TACC2: variants seen among roughly 807,000 people sequenced by gnomAD.
The protein encoded by TACC2 is transforming acidic coiled-coil-containing protein 2.
TACC2 carries 137 observed loss-of-function variants against 227.3 expected under a neutral mutation model. The observed-to-expected ratio is 0.60, with a 90% CI of 0.52 to 0.69. The LOEUF (loss-of-function observed/expected upper bound fraction) is 0.69. Among genes scored for constraint, TACC2 ranks in the 30% least tolerant of loss-of-function variants. The probability of loss-of-function intolerance (pLI) is 0.00; values close to 1 mark genes in which losing one functional copy is unlikely to be tolerated. For missense variants in TACC2, 3,470 were observed against 3,694.4 expected, an observed-to-expected ratio of 0.94 and a Z score of 1.57; for synonymous variants, 1,523 against 1,487.5, an observed-to-expected ratio of 1.02 and a Z score of -0.55.
intron 12 of TACC2, among the ~76,000 whole-genome samples, chr10:122,225,777 C>T (rs949452372): frequency 6.6e-6 from 1 of 152,196 alleles, no homozygotes; most frequent in Non-Finnish European, 1.5e-5. Flanking sequence ...TGCTCAGGAA[C>T]AGCAGAGCCA....
intron 2 of TACC2, among the ~76,000 whole-genome samples, chr10:122,027,595 G>C (rs571975224): frequency 6.6e-6 from 1 of 152,156 alleles, no homozygotes; most frequent in Non-Finnish European, 1.5e-5. Context: ...TGATTATCTT[G>C]ATTACTGTGG....
chr10:122,142,847 T>G (rs1269894375), intron 6 of TACC2, among the ~76,000 whole-genome samples: 1 of 152,232 alleles, frequency 6.6e-6, no homozygotes, highest in African/African-American at 2.4e-5. Context: ...GGCTTTAGTC[T>G]GTGGAGGCCG....
intron 3 of TACC2, among the ~76,000 whole-genome samples, chr10:122,061,410 C>T (rs114941906): frequency 0.01 from 1,533 of 152,006 alleles, 29 homozygotes; most frequent in African/African-American, 0.035. Flanking sequence ...TCAGGTGTGT[C>T]TGCCGAGTTC....
chr10:122,198,784 T>C (rs1167773713), intron 8 of TACC2, among the ~76,000 whole-genome samples: 1 of 152,216 alleles, frequency 6.6e-6, no homozygotes, highest in Non-Finnish European at 1.5e-5. Flanking sequence ...TTTGTGCGCC[T>C]AGCCTGGGGC....
Position 122,115,350 on chromosome 10 carries a change from G to A in TACC2, c.5574-17259G>A, listed in dbSNP as rs192378148. Among the ~76,000 whole-genome samples the A allele has an allele frequency of 1.4e-3, 217 of 152,086 alleles. 1 individual carries two copies. The highest frequency in any genetic ancestry group is 1.9e-3 in the Non-Finnish European group (132 of 68,020). ...ACCTGAGCATGCACATATGGGGCAG[G>A]CTTTGTGGTGAAGGATAATGCCCCA... On this transcript the variant is annotated intron_variant, in intron 5 of 22. Coordinates refer to ENST00000369005, the MANE Select transcript of TACC2 (RefSeq NM_206862.4).
At chr10:122,003,878 G>A (rs933467892) in intron 1 of TACC2, among the ~76,000 whole-genome samples, 10 of 151,818 alleles carry the variant, frequency 6.6e-5, no homozygotes, top group Non-Finnish European at 1.0e-4. Context: ...GGATGGTCTC[G>A]ATCTCCTGAT....
At position 122,215,378 on chromosome 10, in the gene TACC2, A is replaced by G. The variant is rs766839176; in HGVS notation, c.7284-13A>G. 1.9e-6 allele frequency: 3 copies of G among 1,612,874 alleles called. 1 individual carries two copies. Among genetic ancestry groups the G allele is most frequent in the South Asian group, 1.1e-5 (1 of 91,040 alleles). ...TCTGCTTGTTGTGTTTACGTTTTCC[A>G]TTTTGTTTCCAGTGACACATTTAGG... On this transcript the variant is annotated splice_polypyrimidine_tract_variant and intron_variant, in intron 9 of 22. Coordinates refer to ENST00000369005, the MANE Select transcript of TACC2 (RefSeq NM_206862.4).
chr10:122,082,631 C>T lies in TACC2; in HGVS notation c.147-16C>T. ...TTGGCATCCATGATAACCAATGAAA[C>T]ATTAAATATTTTCAGCATTGGCAGC... On this transcript the variant is annotated splice_polypyrimidine_tract_variant and intron_variant, in intron 3 of 22. Coordinates refer to ENST00000369005, the MANE Select transcript of TACC2 (RefSeq NM_206862.4). 6.3e-7 allele frequency: 1 copy of T among 1,594,636 alleles called. No individual in the cohort carries two copies. Among genetic ancestry groups the T allele is most frequent in the Non-Finnish European group, 8.6e-7 (1 of 1,169,202 alleles).
chr10:122,112,738 A>G (rs985616274), intron 5 of TACC2, among the ~76,000 whole-genome samples: 8 of 152,154 alleles, frequency 5.3e-5, no homozygotes, highest in African/African-American at 1.9e-4. Flanking sequence ...GAACAGTAAC[A>G]AGTTGTCATG....
intron 5 of TACC2, among the ~76,000 whole-genome samples, chr10:122,122,366 T>A (rs1162954373): frequency 1.3e-5 from 2 of 151,966 alleles, no homozygotes; most frequent in Non-Finnish European, 2.9e-5. Flanking sequence ...AAAAAATAAA[T>A]AAATAAATAA....
chr10:122,186,374 T>G (rs1324233779), intron 7 of TACC2, among the ~76,000 whole-genome samples: 2 of 151,894 alleles, frequency 1.3e-5, no homozygotes, highest in East Asian at 3.9e-4. Context: ...ACAGCTGTGG[T>G]CCCAGCTTAC....
intron 8 of TACC2, among the ~76,000 whole-genome samples, chr10:122,195,390 G>T (rs1362156690): frequency 6.6e-6 from 1 of 152,196 alleles, no homozygotes; most frequent in Non-Finnish European, 1.5e-5. Context: ...GAATTTTAGG[G>T]GGGGCCTCTG....
At chr10:122,090,265 G>A (rs1341963284) in intron 5 of TACC2, among the ~76,000 whole-genome samples, 4 of 151,870 alleles carry the variant, frequency 2.6e-5, no homozygotes, top group Admixed American at 2.6e-4. Context: ...GATACAGAAG[G>A]GGCAGGTGTG....
At position 122,205,855 on chromosome 10, in the gene TACC2, C is replaced by A. The variant is rs989527868; in HGVS notation, c.5972-4542C>A. 5.3e-5 allele frequency among the ~76,000 whole-genome samples: 8 copies of A among 152,334 alleles called. No individual in the cohort carries two copies. The highest frequency in any genetic ancestry group is 1.9e-4 in the African/African-American group (8 of 41,568). On this transcript the variant is annotated intron_variant, in intron 8 of 22. Transcript: ENST00000369005. This position sits in a 1 kb window ranked among gnomAD's most constrained non-coding sequence, Gnocchi z 4.5. ...CAACCAGCAAACTGCCACAGAAAGA[C>A]CAAGTACTGCTTTGTATCTCGTTAG...
intron 22 of TACC2, among the ~76,000 whole-genome samples, chr10:122,252,012 G>A (rs950745736): frequency 6.6e-6 from 1 of 152,180 alleles, no homozygotes; most frequent in Non-Finnish European, 1.5e-5. Context: ...TGGGCATTTC[G>A]CCCAATCAGC....
At chr10:122,045,659 G>T (rs900372863) in intron 2 of TACC2, among the ~76,000 whole-genome samples, 2 of 152,188 alleles carry the variant, frequency 1.3e-5, no homozygotes, top group East Asian at 3.8e-4. Context: ...ACTTGCAGAG[G>T]GCAGAAGGCA....
chr10:122,207,739 G>C (rs1007751069), intron 8 of TACC2, among the ~76,000 whole-genome samples: 10 of 152,234 alleles, frequency 6.6e-5, no homozygotes, highest in Admixed American at 2.0e-4. Flanking sequence ...TTCTTCTGGA[G>C]GAAGCAATGA....
intron 13 of TACC2, among the ~76,000 whole-genome samples, chr10:122,227,623 G>A (rs375524172): frequency 3.3e-5 from 5 of 152,222 alleles, no homozygotes; most frequent in East Asian, 3.9e-4. Flanking sequence ...GCTCGGGTCT[G>A]TAGCCAGTGG....
chr10:122,203,370 A>T (rs935619940), intron 8 of TACC2, among the ~76,000 whole-genome samples: 1 of 133,496 alleles, frequency 7.5e-6, no homozygotes, highest in African/African-American at 3.0e-5. Context: ...CAGGGGGCTG[A>T]CCCCCCCACC....
Sources: allele counts gnomAD v4.1 joint callset (sites outside exome capture counted in the v4.1 genomes callset), GRCh38; gene constraint gnomAD v4.1.1; non-coding constraint Gnocchi (gnomAD v3.1); transcripts MANE v1.5; gene names NCBI Gene and HGNC (gene_info 2026-07-23, HGNC 2026-07-21).